The following LRRC4C variants were observed in gnomAD, a reference collection of about 807,000 sequenced individuals.
LRRC4C encodes the protein leucine-rich repeat-containing protein 4C.
LRRC4C carries 5 observed loss-of-function variants against 33.6 expected under a neutral mutation model. That is an observed-to-expected ratio of 0.15 (90% CI 0.08 to 0.31). The LOEUF (loss-of-function observed/expected upper bound fraction) is 0.31. Ranked by LOEUF, LRRC4C falls within the 10% of genes least tolerant of loss-of-function variation. The probability of loss-of-function intolerance (pLI) is 1.00; values close to 1 mark genes in which losing one functional copy is unlikely to be tolerated. For missense variants in LRRC4C, 560 were observed against 796.7 expected, an observed-to-expected ratio of 0.70 and a Z score of 3.58; for synonymous variants, 329 against 302.0, an observed-to-expected ratio of 1.09 and a Z score of -0.93.
chr11:40,641,469 A>G (rs1414100433), intron 3 of LRRC4C, among the ~76,000 whole-genome samples: 2 of 152,188 alleles, frequency 1.3e-5, no homozygotes, highest in Non-Finnish European at 2.9e-5. Context: ...AGAGCAAGCC[A>G]ACGGAATAAA....
At chr11:40,563,235 C>T (rs1289781460) in intron 3 of LRRC4C, among the ~76,000 whole-genome samples, 1 of 152,160 alleles carries the variant, frequency 6.6e-6, no homozygotes, top group South Asian at 2.1e-4. Context: ...TTGGGATCCT[C>T]ATCACTCACT....
intron 3 of LRRC4C, among the ~76,000 whole-genome samples, chr11:40,436,876 G>A (rs753801698): frequency 2.0e-5 from 3 of 152,086 alleles, no homozygotes; most frequent in African/African-American, 4.8e-5. Flanking sequence ...CTTACTGATC[G>A]AAAGCCTGAC....
intron 6 of LRRC4C, among the ~76,000 whole-genome samples, chr11:40,137,585 G>C (rs1175805023): frequency 2.0e-5 from 3 of 152,084 alleles, no homozygotes; most frequent in African/African-American, 7.2e-5. Flanking sequence ...TCATTAGAAA[G>C]AGGAGTTAAT....
chr11:41,426,085 T>C (rs981790011), intron 1 of LRRC4C, among the ~76,000 whole-genome samples: 1 of 152,130 alleles, frequency 6.6e-6, no homozygotes, highest in Non-Finnish European at 1.5e-5. Context: ...TTGGGAAATG[T>C]GTACAGAACA....
chr11:40,692,288 G>A (rs1298785868), intron 2 of LRRC4C, among the ~76,000 whole-genome samples: 1 of 151,950 alleles, frequency 6.6e-6, no homozygotes, highest in Admixed American at 6.6e-5. Flanking sequence ...TATCCAAGCA[G>A]GGGTGAGGTG....
intron 3 of LRRC4C, among the ~76,000 whole-genome samples, chr11:40,575,762 A>C (rs1958165847): frequency 6.6e-6 from 1 of 152,204 alleles, no homozygotes; most frequent in South Asian, 2.1e-4. Flanking sequence ...GGCAAACAAC[A>C]ATAATCATGA....
intron 3 of LRRC4C, among the ~76,000 whole-genome samples, chr11:40,564,073 A>G (rs576077427): frequency 2.0e-5 from 3 of 152,284 alleles, no homozygotes; most frequent in Non-Finnish European, 4.4e-5. Context: ...CCAGAAGAGA[A>G]CTCCTGGGAT....
chr11:40,247,645 G>A (rs7930002), intron 4 of LRRC4C, among the ~76,000 whole-genome samples: 114,064 of 151,978 alleles, frequency 0.75, 46,516 homozygotes, highest in East Asian at 0.95. Flanking sequence ...CAATCATTGG[G>A]TTACTCTCTG....
At chr11:41,051,555 G>GAAAAAAAAAAATA (rs1565337349) in intron 1 of LRRC4C, among the ~76,000 whole-genome samples, 1 of 82,764 alleles carries the variant, frequency 1.2e-5, no homozygotes, top group African/African-American at 4.5e-5. Flanking sequence ...AAAAAAAAAG[G>GAAAAAAAAAAATA]AAAAATTAGT....
intron 1 of LRRC4C, among the ~76,000 whole-genome samples, chr11:41,323,870 T>A (rs940255509): frequency 3.3e-5 from 5 of 152,234 alleles, no homozygotes; most frequent in African/African-American, 1.2e-4. Context: ...ATTTTTTAAA[T>A]TATATTTTAT....
chr11:41,363,036 G>A (rs76890843), intron 1 of LRRC4C, among the ~76,000 whole-genome samples: 6 of 152,256 alleles, frequency 3.9e-5, no homozygotes, highest in African/African-American at 1.2e-4. Context: ...GCTACCCCAG[G>A]TGAGGAAGTG....
intron 1 of LRRC4C, among the ~76,000 whole-genome samples, chr11:41,103,305 C>G (rs981361052): frequency 6.6e-6 from 1 of 151,868 alleles, no homozygotes; most frequent in Non-Finnish European, 1.5e-5. Context: ...CAGAGTAGTT[C>G]CATACTTTGT....
At chr11:41,192,704 G>T (rs527933314) in intron 1 of LRRC4C, among the ~76,000 whole-genome samples, 1 of 151,986 alleles carries the variant, frequency 6.6e-6, no homozygotes. Context: ...AGGCATACCC[G>T]TAGAGTCAGA....
intron 1 of LRRC4C, among the ~76,000 whole-genome samples, chr11:41,117,426 A>G (rs1942191739): frequency 6.6e-6 from 1 of 152,212 alleles, no homozygotes; most frequent in South Asian, 2.1e-4. Context: ...ATTTTATGAT[A>G]TAATATTACG....
chr11:40,265,467 C>T (rs1434982021), intron 4 of LRRC4C, among the ~76,000 whole-genome samples: 1 of 152,204 alleles, frequency 6.6e-6, no homozygotes, highest in Non-Finnish European at 1.5e-5. Context: ...CCTCCATAGT[C>T]TAAATATTCC....
chr11:41,208,087 C>T (rs1946672142), intron 1 of LRRC4C, among the ~76,000 whole-genome samples: 1 of 152,048 alleles, frequency 6.6e-6, no homozygotes, highest in East Asian at 1.9e-4. Context: ...TCACTAGGAA[C>T]AGAATGTTGG....
chr11:40,314,946 A>G (rs1294580739), intron 4 of LRRC4C, among the ~76,000 whole-genome samples: 1 of 152,026 alleles, frequency 6.6e-6, no homozygotes, highest in Non-Finnish European at 1.5e-5. Context: ...AGGATACAAA[A>G]TTAAAGTTAG....
chr11:40,136,297 C>T lies in LRRC4C; in HGVS notation c.-43+4504G>A, dbSNP rs148697413. 6.7e-3 allele frequency among the ~76,000 whole-genome samples: 1,012 copies of T among 152,016 alleles called. 6 individuals are homozygous for T. The highest frequency in any genetic ancestry group is 0.024 in the African/African-American group (982 of 41,458). On this transcript the variant is annotated intron_variant, in intron 6 of 6. Coordinates refer to ENST00000528697, the MANE Select transcript of LRRC4C (RefSeq NM_001258419.2). Reference sequence around the variant, plus strand: ...CTTTTTCTTTTTGATATGGAGTCTTCGCTCTGTCGCCCAGGCTGGAGTGCA... The same window carrying T: ...CTTTTTCTTTTTGATATGGAGTCTTTGCTCTGTCGCCCAGGCTGGAGTGCA...
At chr11:41,283,044 A>C (rs1412600576) in intron 1 of LRRC4C, among the ~76,000 whole-genome samples, 2 of 152,212 alleles carry the variant, frequency 1.3e-5, no homozygotes, top group African/African-American at 2.4e-5. Flanking sequence ...TCAATGGTTT[A>C]TCATCTTTAG....
Sources: gnomAD v4.1 joint callset for allele counts (sites outside exome capture counted in the v4.1 genomes callset) on GRCh38, gnomAD v4.1.1 for gene constraint, MANE v1.5 for transcripts, NCBI Gene and HGNC (gene_info 2026-07-23, HGNC 2026-07-21) for gene names.